Variants in PPP6R2 observed in about 807,000 individuals in gnomAD.
PPP6R2 encodes serine/threonine-protein phosphatase 6 regulatory subunit 2.
Under a neutral mutation model 100.2 loss-of-function variants are expected in PPP6R2, and 62 were observed. The ratio of observed to expected loss-of-function variants is 0.62; its 90% CI spans 0.50 to 0.76. PPP6R2 has a LOEUF of 0.76. Ranked by LOEUF, PPP6R2 falls within the 30% of genes least tolerant of loss-of-function variation. The probability of loss-of-function intolerance (pLI) is 0.00; values close to 1 mark genes in which losing one functional copy is unlikely to be tolerated. For missense variants in PPP6R2, 1,142 were observed against 1,276.3 expected (o/e 0.89, Z 1.60); for synonymous variants, 525 against 514.7 (o/e 1.02, Z -0.27).
chr22:50,435,141 T>A, intron 13 of PPP6R2, 60 bp downstream of exon 13: 1 of 1,369,162 alleles, frequency 7.3e-7, no homozygotes, highest in Non-Finnish European at 9.7e-7. Flanking sequence ...CCGAAGGAGC[T>A]GCCGCCTGAG....
Position 50,443,977 on chromosome 22 carries a change from A to G in PPP6R2, c.2691A>G (p.Thr897=), listed in dbSNP as rs1371079953. ...CCGAGGCTACTGTGGCCATCACCAC[A>G]GCACTGAGCAAGGCTGGCCCCGCCA... ...VPPEATVAIT[T]ALSKAGPAIP... Residue 897 remains threonine (T), a synonymous_variant, in exon 23 of 24, where the codon ACA becomes ACG. Transcript: ENST00000612753. 4 of 1,612,508 alleles carry G rather than the reference A, an allele frequency of 2.5e-6. No individual in the cohort carries two copies. The highest frequency in any genetic ancestry group is 3.4e-6 in the Non-Finnish European group (4 of 1,179,758).
At chr22:50,333,630 C>A in the PPP6R2 span, among the ~76,000 whole-genome samples, 1 of 152,212 alleles carries the variant, frequency 6.6e-6, no homozygotes. Flanking sequence ...CCGCGCCTGG[C>A]CCCAGCTTTG....
At chr22:50,352,398 A>C (rs546944293) in intron 1 of PPP6R2, among the ~76,000 whole-genome samples, 1 of 152,132 alleles carries the variant, frequency 6.6e-6, no homozygotes, top group African/African-American at 2.4e-5. Flanking sequence ...ACTGTAGACT[A>C]TTTAAGTCTG....
At chr22:50,356,819 A>G (rs1192628307) in intron 1 of PPP6R2, among the ~76,000 whole-genome samples, 2 of 151,952 alleles carry the variant, frequency 1.3e-5, no homozygotes, top group East Asian at 1.9e-4. Context: ...CCATAATCCC[A>G]GCTACTTGGG....
At chr22:50,443,831 G>A (rs781319049) in intron 22 of PPP6R2, 35 bp from the exon 23 acceptor site, 2 of 1,542,710 alleles carry the variant, frequency 1.3e-6, no homozygotes, top group South Asian at 1.2e-5. Context: ...TGAGGGTGGG[G>A]GTGCCCGTAA....
upstream of PPP6R2, among the ~76,000 whole-genome samples, chr22:50,340,579 TG>T (rs1480946747): frequency 1.6e-5 from 2 of 122,530 alleles, no homozygotes; most frequent in South Asian, 3.0e-4. Flanking sequence ...GTGTGGTATG[TG>T]GTGTGTGGTG....
At chr22:50,439,343 A>G (rs2065082790) in intron 19 of PPP6R2, among the ~76,000 whole-genome samples, 1 of 152,088 alleles carries the variant, frequency 6.6e-6, no homozygotes, top group Non-Finnish European at 1.5e-5. Flanking sequence ...GAGGCCAGGA[A>G]GGGGCCAGTG....
At chr22:50,390,518 G>T (rs1293341398) in intron 2 of PPP6R2, among the ~76,000 whole-genome samples, 1 of 152,110 alleles carries the variant, frequency 6.6e-6, no homozygotes, top group Non-Finnish European at 1.5e-5. Context: ...AACAGGCCAG[G>T]CGTGGTGGTT....
At position 50,423,042 on chromosome 22, in the gene PPP6R2, G is replaced by A. The variant is rs898304804; in HGVS notation, c.973-420G>A. Among the ~76,000 whole-genome samples the A allele has an allele frequency of 6.6e-6, 1 of 152,166 alleles. No homozygotes were observed. Among genetic ancestry groups the A allele is most frequent in the African/African-American group, 2.4e-5 (1 of 41,426 alleles). ...AGGCATTCCCGTCAGTGTCCCCAAA[G>A]TGTGTTCATGGGACACTTGTTAGCT... On this transcript the variant is annotated intron_variant, in intron 9 of 23. Transcript: ENST00000612753. This position sits in a 1 kb window ranked among gnomAD's most constrained non-coding sequence, Gnocchi z 4.8.
Position 50,423,720 on chromosome 22 carries a change from C to T in PPP6R2, c.1125+106C>T, listed in dbSNP as rs1473967946. 7.1e-7 allele frequency: 1 copy of T among 1,411,462 alleles called. No individual in the cohort carries two copies. The allele number at this position is 1,411,462 out of a possible 1,614,324, so 87.4% of individuals were successfully genotyped here. A position where few individuals can be genotyped will look rare whatever the true frequency, so the allele number is the denominator to read the frequency against. On this transcript the variant is annotated intron_variant, in intron 10 of 23. Coordinates refer to ENST00000612753, the MANE Select transcript of PPP6R2 (RefSeq NM_001242898.2). The surrounding 1 kb of genome is among the most constrained non-coding windows in gnomAD (Gnocchi z 4.8). ...AGGGCCCCAGCATTTGGACAAAGCT[C>T]TGCCACGGGGAGGTTCCAGTCCCAA...
chr22:50,438,828 G>A, intron 19 of PPP6R2, 66 bp downstream of exon 19: 2 of 1,446,926 alleles, frequency 1.4e-6, no homozygotes, highest in Non-Finnish European at 1.8e-6. Context: ...CCCGGCCTGG[G>A]TGTTGTGGAG....
intron 2 of PPP6R2, among the ~76,000 whole-genome samples, chr22:50,373,863 A>G (rs2050850301): frequency 6.6e-6 from 1 of 151,768 alleles, no homozygotes; most frequent in South Asian, 2.1e-4. Context: ...CCTCCCGAAT[A>G]GCTGGGATTA....
rs532113967 is a variant in PPP6R2, at chr22:50,393,011, G to T, written c.-16-882G>T. Among the ~76,000 whole-genome samples, 102 of 152,328 alleles carry T rather than the reference G, an allele frequency of 6.7e-4. 1 individual carries two copies. Among genetic ancestry groups the T allele is most frequent in the African/African-American group, 2.3e-3 (94 of 41,576 alleles). ...AATCTCACAGTAAAGTTTTAACTTT[G>T]TGAAAGATGTAGGCTTTATGTTTTC... On this transcript the variant is annotated intron_variant, in intron 2 of 23. Transcript: ENST00000612753.
chr22:50,374,693 A>G (rs1015716240), intron 2 of PPP6R2, among the ~76,000 whole-genome samples: 4 of 152,146 alleles, frequency 2.6e-5, no homozygotes, highest in Non-Finnish European at 5.9e-5. Context: ...AGGTGGGCGG[A>G]TCATAAGGTC....
intron 13 of PPP6R2, among the ~76,000 whole-genome samples, chr22:50,435,589 C>T (rs1187118982): frequency 3.3e-5 from 5 of 152,174 alleles, no homozygotes; most frequent in Non-Finnish European, 7.4e-5. Context: ...GTGGCAGAGG[C>T]GGGCCCAGCT....
chr22:50,423,504 C>G lies in PPP6R2; in HGVS notation c.1015C>G (p.Leu339Val), dbSNP rs1446741382. 5 of 1,614,218 alleles carry G rather than the reference C, an allele frequency of 3.1e-6. No individual in the cohort carries two copies. Among genetic ancestry groups the G allele is most frequent in the African/African-American group, 1.3e-5 (1 of 75,054 alleles). The part of the protein sequence containing the change: ...LTTIGVLEEP[L>V]GNARLHGARL... ...CACCATTGGTGTGCTGGAGGAGCCCCTGGGGAATGCCCGTCTGCATGGCGC... is the reference window on the plus strand; with the variant it reads ...CACCATTGGTGTGCTGGAGGAGCCCGTGGGGAATGCCCGTCTGCATGGCGC... Residue 339 changes from leucine (L) to valine (V), a missense_variant, in exon 10 of 24, where the codon CTG (leucine) becomes GTG (valine). Leu to Val is a conservative substitution (Grantham distance 32). This residue lies in a region of PPP6R2 where 592 missense variants were observed against 758.9 expected (regional missense o/e 0.78). Transcript: ENST00000612753. This position sits in a 1 kb window ranked among gnomAD's most constrained non-coding sequence, Gnocchi z 4.8.
chr22:50,422,271 A>G lies in PPP6R2; in HGVS notation c.863A>G (p.Asp288Gly), dbSNP rs765609772. ...TRRVGTEGLVDSFSQGLERSY... is the reference protein window; with the variant it reads ...TRRVGTEGLVGSFSQGLERSY... ...ATCCACAGGACAGAGGGCTTGGTGG[A>G]CTCCTTTTCTCAGGGACTGGAAAGG... The change falls in exon 9 of 24, where the codon GAC (aspartate) becomes GGC (glycine). Residue 288 changes from aspartate (D) to glycine (G), a missense_variant. Transcript: ENST00000612753. 2 of 1,613,120 alleles carry G rather than the reference A, an allele frequency of 1.2e-6. No homozygotes were observed. The highest frequency in any genetic ancestry group is 2.7e-5 in the African/African-American group (2 of 74,608).
intron 14 of PPP6R2, 49 bp downstream of exon 14, chr22:50,436,501 G>A (rs200487936): frequency 6.6e-6 from 10 of 1,519,204 alleles, no homozygotes; most frequent in East Asian, 4.9e-5. Context: ...GTGCTGGGAC[G>A]CCGTCAGACG....
At position 50,395,707 on chromosome 22, in the gene PPP6R2, C is replaced by T. The variant is rs138265938; in HGVS notation, c.227+1572C>T. 7.9e-5 allele frequency among the ~76,000 whole-genome samples: 12 copies of T among 152,190 alleles called. No individual in the cohort carries two copies. The East Asian group carries it at 1.8e-3, about 22-fold the overall frequency. Reference sequence around the variant, plus strand: ...TCCCTAGTAGCTGGCACTACAGGTGCGTGCCACCATGCCCGGCTAATTTAT... The same window carrying T: ...TCCCTAGTAGCTGGCACTACAGGTGTGTGCCACCATGCCCGGCTAATTTAT... On this transcript the variant is annotated intron_variant, in intron 3 of 23. Coordinates refer to ENST00000612753, the MANE Select transcript of PPP6R2 (RefSeq NM_001242898.2).
Sources: gnomAD v4.1 joint callset for allele counts (sites outside exome capture counted in the v4.1 genomes callset) on GRCh38, gnomAD v4.1.1 for gene constraint, gnomAD v4.1.1 regional missense constraint, Gnocchi (gnomAD v3.1) non-coding constraint, MANE v1.5 for transcripts, NCBI Gene and HGNC (gene_info 2026-07-23, HGNC 2026-07-21) for gene names.